Variants in RUFY3 observed in about 807,000 individuals in gnomAD.
The protein encoded by RUFY3 is protein RUFY3.
In RUFY3, 34 loss-of-function variants were observed where a neutral mutation model predicts 84.0. The observed-to-expected ratio is 0.40, with a 90% confidence interval of 0.31 to 0.54. The LOEUF (loss-of-function observed/expected upper bound fraction) is 0.54, where lower values mean the gene tolerates loss of function less well. RUFY3 is among the 20% of genes least tolerant of loss of function. RUFY3 has a pLI of 0.39. For missense variants in RUFY3, 507 were observed against 736.8 expected, an observed-to-expected ratio of 0.69 and a Z score of 3.61; for synonymous variants, 242 against 252.9, an observed-to-expected ratio of 0.96 and a Z score of 0.41.
At chr4:70,779,384 T>C (rs1289179736) in intron 8 of RUFY3, among the ~76,000 whole-genome samples, 1 of 152,128 alleles carries the variant, frequency 6.6e-6, no homozygotes, top group Non-Finnish European at 1.5e-5. Flanking sequence ...CAGATAAGAA[T>C]ATGAAAACTC....
chr4:70,728,083 G>A (rs975281303), intron 1 of RUFY3, among the ~76,000 whole-genome samples: 2 of 152,168 alleles, frequency 1.3e-5, no homozygotes, highest in African/African-American at 2.4e-5. Context: ...TTAAGATGGG[G>A]TTATGTCCTG....
chr4:70,731,729 G>A (rs953935368), intron 1 of RUFY3, among the ~76,000 whole-genome samples: 9 of 152,046 alleles, frequency 5.9e-5, no homozygotes, highest in African/African-American at 1.4e-4. Context: ...CACCATGCCC[G>A]GCTAATTTTT....
At chr4:70,725,555 TC>T (rs1316491737) in intron 1 of RUFY3, among the ~76,000 whole-genome samples, 1 of 152,178 alleles carries the variant, frequency 6.6e-6, no homozygotes, top group Non-Finnish European at 1.5e-5. Flanking sequence ...GGTCTCGAAC[TC>T]CCAACCTCAG....
In RUFY3 at chr4:70,773,057, C is replaced by A. The variant is rs113802493; in HGVS notation, c.697-454C>A. Among the ~76,000 whole-genome samples the A allele has an allele frequency of 3.6e-3, 546 of 152,272 alleles. 2 individuals are homozygous for A. Among genetic ancestry groups the A allele is most frequent in the African/African-American group, 0.013 (530 of 41,564 alleles). The stretch of plus-strand genomic sequence containing the variant: ...ATCAATGAAAGTTTGGAGGAACAGA[C>A]ACCAAAATATTAGCAATGGTCATCT... On this transcript the variant is annotated intron_variant, in intron 5 of 17. Transcript: ENST00000381006.
upstream of RUFY3, among the ~76,000 whole-genome samples, chr4:70,720,084 T>C (rs191405581): frequency 1.2e-4 from 19 of 152,314 alleles, no homozygotes; most frequent in African/African-American, 4.1e-4. Context: ...TTCTTTTTTT[T>C]ATTTTGAGAC....
chr4:70,721,052 G>T (rs1215347789), upstream of RUFY3, among the ~76,000 whole-genome samples: 1 of 152,058 alleles, frequency 6.6e-6, no homozygotes, highest in Non-Finnish European at 1.5e-5. Flanking sequence ...GGTGGCTCAC[G>T]CCTGTAATCC....
chr4:70,792,464 C>A (rs1730973107), intron 12 of RUFY3: 1 of 985,098 alleles, frequency 1.0e-6, no homozygotes. Context: ...ACAGACTAAC[C>A]CTTTCTAGGC....
intron 5 of RUFY3, among the ~76,000 whole-genome samples, chr4:70,772,602 A>G (rs1260919817): frequency 6.6e-6 from 1 of 152,034 alleles, no homozygotes; most frequent in African/African-American, 2.4e-5. Flanking sequence ...GTTATGTTTT[A>G]TTCTGGTAAA....
intron 1 of RUFY3, among the ~76,000 whole-genome samples, chr4:70,737,277 G>A (rs1578016119): frequency 6.6e-6 from 1 of 152,148 alleles, no homozygotes; most frequent in East Asian, 1.9e-4. Context: ...CTAAGCAAAA[G>A]AGAGTTTTTA....
intron 1 of RUFY3, among the ~76,000 whole-genome samples, chr4:70,707,060 CTGAA>C (rs1740418398): frequency 6.6e-6 from 1 of 152,148 alleles, no homozygotes; most frequent in Non-Finnish European, 1.5e-5. Flanking sequence ...TGGGAATTAC[CTGAA>C]TTTCAGTTGA....
At chr4:70,724,624 A>G (rs1316897572) in intron 1 of RUFY3, among the ~76,000 whole-genome samples, 1 of 152,256 alleles carries the variant, frequency 6.6e-6, no homozygotes, top group African/African-American at 2.4e-5. Context: ...AGAGTTTCCA[A>G]GACCTGTAAT....
chr4:70,724,609 A>AAT (rs1717915550), intron 1 of RUFY3, among the ~76,000 whole-genome samples: 1 of 152,212 alleles, frequency 6.6e-6, no homozygotes, highest in Non-Finnish European at 1.5e-5. Flanking sequence ...AAATCAGATA[A>AAT]ATACAGAGTT....
At chr4:70,724,834 G>GAA (rs1199874585) in intron 1 of RUFY3, among the ~76,000 whole-genome samples, 2 of 152,162 alleles carry the variant, frequency 1.3e-5, no homozygotes, top group Non-Finnish European at 2.9e-5. Context: ...TTGGTCCCAA[G>GAA]AAATACCCAC....
At chr4:70,797,681 A>G (rs1731702991) in intron 14 of RUFY3, among the ~76,000 whole-genome samples, 2 of 151,970 alleles carry the variant, frequency 1.3e-5, no homozygotes. Flanking sequence ...TGTCTCTACT[A>G]AAAATACAAA....
At chr4:70,794,991 A>G (rs543860685) in intron 14 of RUFY3, 97 bp downstream of exon 14, 13 of 784,944 alleles carry the variant, frequency 1.7e-5, no homozygotes, top group Middle Eastern at 2.4e-4. Context: ...CAGATCACAT[A>G]CTTAGTGGCT....
chr4:70,794,523 G>T (rs1440840196), intron 13 of RUFY3: 3 of 340,260 alleles, frequency 8.8e-6, no homozygotes, highest in Non-Finnish European at 1.6e-5. Context: ...GGAGGTTACG[G>T]TGACCTGAGA....
rs116143546 is a variant in RUFY3, at chr4:70,763,684, G to A, written c.470+15G>A. 1.9e-3 allele frequency: 3,120 copies of A among 1,600,550 alleles called. 45 individuals carry two copies. The African/African-American group carries it at 0.037, about 19-fold the overall frequency. On this transcript the variant is annotated intron_variant, in intron 3 of 17. Coordinates refer to ENST00000381006, the MANE Select transcript of RUFY3 (RefSeq NM_001037442.4). ...CCAGGACTTAAGTAAGTCTAAGGTT[G>A]AATTCCATTTCTCAGGAACAGCATT...
intron 1 of RUFY3, among the ~76,000 whole-genome samples, chr4:70,705,909 G>C (rs934806680): frequency 6.6e-6 from 1 of 152,198 alleles, no homozygotes. Flanking sequence ...AAATCGGAGC[G>C]GTGCATGAGA....
chr4:70,771,036 C>T (rs1241431308), intron 5 of RUFY3, among the ~76,000 whole-genome samples: 1 of 151,988 alleles, frequency 6.6e-6, no homozygotes, highest in Non-Finnish European at 1.5e-5. Flanking sequence ...GATTGCTTGC[C>T]ATCTTATATG....
Sources: gnomAD v4.1 joint callset for allele counts (sites outside exome capture counted in the v4.1 genomes callset) on GRCh38, gnomAD v4.1.1 for gene constraint, MANE v1.5 for transcripts, NCBI Gene and HGNC (gene_info 2026-07-23, HGNC 2026-07-21) for gene names.